Variants in HLCS observed in about 807,000 individuals in gnomAD.
HLCS encodes the protein biotin--protein ligase.
A neutral mutation model predicts 75.0 loss-of-function variants in HLCS; 53 were observed. The observed-to-expected ratio is 0.71, with a 90% confidence interval of 0.57 to 0.89. The LOEUF is 0.89. HLCS is among the 40% of genes least tolerant of loss of function. The pLI, the probability that HLCS is intolerant of heterozygous loss-of-function variation, is 0.00. For synonymous variants in HLCS, 431 were observed against 428.6 expected, an observed-to-expected ratio of 1.01 and a Z score of -0.07; for missense variants, 966 against 1,074.0, an observed-to-expected ratio of 0.90 and a Z score of 1.41.
intron 6 of HLCS, among the ~76,000 whole-genome samples, chr21:36,798,701 T>G (rs1277476658): frequency 6.6e-6 from 1 of 152,232 alleles, no homozygotes; most frequent in Non-Finnish European, 1.5e-5. Context: ...CATTTGGTAT[T>G]GTCAGTCTTT....
chr21:36,822,203 C>T (rs2061865413), intron 6 of HLCS, among the ~76,000 whole-genome samples: 1 of 152,154 alleles, frequency 6.6e-6, no homozygotes, highest in South Asian at 2.1e-4. Flanking sequence ...AGGCGAATCA[C>T]GAGGTCAGGA....
intron 6 of HLCS, among the ~76,000 whole-genome samples, chr21:36,837,290 C>T (rs748394521): frequency 2.6e-5 from 4 of 152,296 alleles, no homozygotes; most frequent in South Asian, 2.1e-4. Context: ...TTTGTGAAAA[C>T]CTGAAGCATT....
chr21:36,839,023 T>C (rs2062522544), intron 6 of HLCS, among the ~76,000 whole-genome samples: 2 of 137,738 alleles, frequency 1.5e-5, no homozygotes, highest in African/African-American at 2.8e-5. Flanking sequence ...GATACACAGA[T>C]ATATTACTCT....
intron 6 of HLCS, among the ~76,000 whole-genome samples, chr21:36,776,828 C>T (rs552057899): frequency 2.8e-4 from 43 of 152,310 alleles, no homozygotes; most frequent in Admixed American, 1.7e-3. Context: ...TCAAACCTGC[C>T]GTCCGAGGGC....
At chr21:36,944,993 G>A (rs1239674443) in intron 2 of HLCS, among the ~76,000 whole-genome samples, 2 of 152,048 alleles carry the variant, frequency 1.3e-5, no homozygotes, top group African/African-American at 2.4e-5. Context: ...GGTGACAGGC[G>A]CCTGTAGTCC....
At position 36,842,092 on chromosome 21, in the gene HLCS, G is replaced by A. The variant is rs188838001; in HGVS notation, c.1892+54768C>T. Among the ~76,000 whole-genome samples the A allele has an allele frequency of 3.0e-3, 457 of 152,282 alleles. 2 individuals are homozygous for A. The highest frequency in any genetic ancestry group is 5.8e-3 in the Non-Finnish European group (392 of 68,010). On this transcript the variant is annotated intron_variant, in intron 6 of 10. Coordinates refer to ENST00000674895, the MANE Select transcript of HLCS (RefSeq NM_001352514.2). The surrounding 1 kb of genome is among the most constrained non-coding windows in gnomAD (Gnocchi z 4.2). ...GAAACAACCCAAATGCCCGTTAATA[G>A]TAGAAGATAAACAAATTGTGGGATA...
chr21:36,931,175 C>T (rs1035879404), intron 4 of HLCS, among the ~76,000 whole-genome samples: 8 of 148,200 alleles, frequency 5.4e-5, no homozygotes, highest in Non-Finnish European at 8.9e-5. Context: ...CCCAGCTACT[C>T]GGGAAGTTGA....
chr21:36,987,367 C>T (rs1469372444), intron 1 of HLCS, among the ~76,000 whole-genome samples: 1 of 152,202 alleles, frequency 6.6e-6, no homozygotes, highest in Non-Finnish European at 1.5e-5. Context: ...AATCCCAGCA[C>T]TTTGTGAGGC....
At chr21:36,976,138 G>C (rs906448268) in intron 1 of HLCS, among the ~76,000 whole-genome samples, 3 of 152,118 alleles carry the variant, frequency 2.0e-5, no homozygotes. Context: ...GATCCAAGAC[G>C]CAAGAGTGGC....
intron 6 of HLCS, among the ~76,000 whole-genome samples, chr21:36,785,418 T>C (rs1340700935): frequency 2.0e-5 from 3 of 151,830 alleles, no homozygotes; most frequent in Non-Finnish European, 2.9e-5. Flanking sequence ...TTCCATCCCT[T>C]GCCCCCAATT....
intron 6 of HLCS, among the ~76,000 whole-genome samples, chr21:36,856,227 G>A (rs1277098262): frequency 1.3e-5 from 2 of 152,160 alleles, no homozygotes; most frequent in East Asian, 3.9e-4. Context: ...GAATTGTATG[G>A]GATGTGGTTT....
chr21:36,930,824 G>A (rs1305186259), intron 4 of HLCS, among the ~76,000 whole-genome samples: 2 of 152,246 alleles, frequency 1.3e-5, no homozygotes, highest in South Asian at 2.1e-4. Context: ...GGAAAGTCAT[G>A]GCCAACAAAA....
chr21:36,966,425 G>GGGGGC lies in HLCS; in HGVS notation c.195+18_195+19insGCCCC. The GGGGGC allele has an allele frequency of 2.6e-5, 5 of 195,436 alleles. No individual in the cohort carries two copies. The highest frequency in any genetic ancestry group is 4.3e-5 in the Non-Finnish European group (5 of 116,688). 12.1% of individuals were successfully genotyped at this position (195,436 alleles called of 1,614,324 possible). A position where few individuals can be genotyped will look rare whatever the true frequency, so the allele number is the denominator to read the frequency against. ...CCGGCTCGCGGGGCCCGGGTCGCCC[G>GGGGGC]CCCGCCCGACCCGCCCACCTGGCTG... On this transcript the variant is annotated intron_variant, in intron 1 of 10. Coordinates refer to ENST00000674895, the MANE Select transcript of HLCS (RefSeq NM_001352514.2).
At chr21:36,790,370 C>T (rs770622400) in intron 6 of HLCS, among the ~76,000 whole-genome samples, 1 of 152,162 alleles carries the variant, frequency 6.6e-6, no homozygotes, top group African/African-American at 2.4e-5. Flanking sequence ...TGCGACTGCA[C>T]TCCAGCCTGG....
At chr21:36,860,733 G>A (rs979026795) in intron 6 of HLCS, among the ~76,000 whole-genome samples, 3 of 152,208 alleles carry the variant, frequency 2.0e-5, no homozygotes, top group Non-Finnish European at 4.4e-5. Context: ...TTTAGACACG[G>A]CACATCTGGT....
At chr21:36,927,112 C>T (rs990951754) in intron 5 of HLCS, among the ~76,000 whole-genome samples, 3 of 152,296 alleles carry the variant, frequency 2.0e-5, no homozygotes, top group Middle Eastern at 6.8e-3. Context: ...TATGGTTTAA[C>T]TTTTTGTCAT....
intron 1 of HLCS, among the ~76,000 whole-genome samples, chr21:36,989,013 T>A (rs2069282046): frequency 6.6e-6 from 1 of 150,628 alleles, no homozygotes; most frequent in African/African-American, 2.4e-5. Flanking sequence ...TTTTTCCTTT[T>A]AATTTTATTT....
intron 5 of HLCS, among the ~76,000 whole-genome samples, chr21:36,923,457 C>T (rs756256571): frequency 2.6e-5 from 4 of 152,154 alleles, no homozygotes; most frequent in Non-Finnish European, 5.9e-5. Flanking sequence ...AAGTGCTGAG[C>T]GGGAATGTTC....
intron 2 of HLCS, among the ~76,000 whole-genome samples, chr21:36,944,468 C>T (rs144845632): frequency 5.9e-5 from 9 of 152,318 alleles, no homozygotes; most frequent in Non-Finnish European, 1.2e-4. Context: ...TTCATCAAAA[C>T]ACACAGAACT....
Sources: allele counts gnomAD v4.1 joint callset (sites outside exome capture counted in the v4.1 genomes callset), GRCh38; gene constraint gnomAD v4.1.1; non-coding constraint Gnocchi (gnomAD v3.1); transcripts MANE v1.5; gene names NCBI Gene and HGNC (gene_info 2026-07-23, HGNC 2026-07-21).